Variants in FBXL17 observed in about 807,000 individuals in gnomAD.
FBXL17 encodes the protein F-box/LRR-repeat protein 17.
In FBXL17, 22 loss-of-function variants were observed where a neutral mutation model predicts 66.2. That is an observed-to-expected ratio of 0.33 (90% CI 0.24 to 0.47). The LOEUF (loss-of-function observed/expected upper bound fraction) is 0.47, where lower values mean the gene tolerates loss of function less well. Among genes scored for constraint, FBXL17 ranks in the 20% least tolerant of loss-of-function variants. FBXL17 has a pLI of 1.00. For missense variants in FBXL17, 878 were observed against 948.2 expected (o/e 0.93, Z 0.97); for synonymous variants, 474 against 400.5 (o/e 1.18, Z -2.19).
intron 6 of FBXL17, among the ~76,000 whole-genome samples, chr5:108,098,527 C>T (rs1205855505): frequency 2.0e-5 from 3 of 151,896 alleles, no homozygotes; most frequent in Non-Finnish European, 1.5e-5. Context: ...GGGTGGATCA[C>T]GAGGTCAGGA....
At chr5:108,366,979 C>T (rs1347470752) in intron 2 of FBXL17, among the ~76,000 whole-genome samples, 2 of 151,962 alleles carry the variant, frequency 1.3e-5, no homozygotes, top group East Asian at 1.9e-4. Context: ...AATGGCATAA[C>T]GTGTAGCTTG....
intron 6 of FBXL17, among the ~76,000 whole-genome samples, chr5:108,022,735 A>G (rs1410866082): frequency 6.6e-6 from 1 of 152,156 alleles, no homozygotes; most frequent in African/African-American, 2.4e-5. Context: ...CTATAAGCAC[A>G]TATGAACATT....
intron 6 of FBXL17, among the ~76,000 whole-genome samples, chr5:108,033,723 C>CA (rs1746730223): frequency 1.3e-5 from 2 of 152,064 alleles, no homozygotes; most frequent in African/African-American, 4.8e-5. Flanking sequence ...ATATTCCTAC[C>CA]AACACACAGA....
At chr5:108,231,225 A>G (rs1755326077) in intron 4 of FBXL17, among the ~76,000 whole-genome samples, 1 of 152,144 alleles carries the variant, frequency 6.6e-6, no homozygotes, top group Admixed American at 6.5e-5. Context: ...TCAAGTTTTA[A>G]TAAGTTTATA....
intron 3 of FBXL17, among the ~76,000 whole-genome samples, chr5:108,359,575 T>C (rs1748212100): frequency 6.6e-6 from 1 of 152,208 alleles, no homozygotes; most frequent in Non-Finnish European, 1.5e-5. Context: ...AAGACTCTGT[T>C]ATTTAATTTC....
At chr5:108,205,747 A>G (rs956393312) in intron 5 of FBXL17, among the ~76,000 whole-genome samples, 4 of 151,984 alleles carry the variant, frequency 2.6e-5, no homozygotes, top group Non-Finnish European at 5.9e-5. Context: ...TGTTTTTTAG[A>G]CAGAGTCTCG....
At chr5:107,990,539 T>A (rs1753199850) in intron 7 of FBXL17, among the ~76,000 whole-genome samples, 1 of 152,182 alleles carries the variant, frequency 6.6e-6, no homozygotes, top group Non-Finnish European at 1.5e-5. Context: ...ATCTATACCT[T>A]AGTTTTCTTA....
intron 6 of FBXL17, among the ~76,000 whole-genome samples, chr5:108,021,412 G>C (rs1754597269): frequency 6.6e-6 from 1 of 150,484 alleles, no homozygotes; most frequent in Non-Finnish European, 1.5e-5. Context: ...GATGGAATTA[G>C]GTAGCACTGA....
At chr5:108,139,550 C>G (rs935647850) in intron 6 of FBXL17, among the ~76,000 whole-genome samples, 1 of 152,186 alleles carries the variant, frequency 6.6e-6, no homozygotes, top group Non-Finnish European at 1.5e-5. Flanking sequence ...ATTCTACATT[C>G]TGCTCGTCAG....
At chr5:108,053,503 G>GA (rs967813705) in intron 6 of FBXL17, among the ~76,000 whole-genome samples, 24 of 145,808 alleles carry the variant, frequency 1.6e-4, no homozygotes, top group East Asian at 8.0e-4. Flanking sequence ...CTCCATCTCA[G>GA]AAAAAAAAAA....
At chr5:108,277,694 A>T (rs958578980) in intron 4 of FBXL17, among the ~76,000 whole-genome samples, 1 of 152,226 alleles carries the variant, frequency 6.6e-6, no homozygotes, top group African/African-American at 2.4e-5. Flanking sequence ...GGTTTAAGTC[A>T]TTAACTTCCC....
intron 7 of FBXL17, among the ~76,000 whole-genome samples, chr5:108,002,182 A>T (rs1479052770): frequency 1.8e-5 from 2 of 109,492 alleles, no homozygotes; most frequent in African/African-American, 9.0e-5. Context: ...CACCCAGCTA[A>T]TTTTTTTTTT....
At chr5:108,069,019 T>A (rs1748228373) in intron 6 of FBXL17, among the ~76,000 whole-genome samples, 1 of 152,198 alleles carries the variant, frequency 6.6e-6, no homozygotes, top group South Asian at 2.1e-4. Context: ...GATCATAAGA[T>A]AATTCTGTTA....
intron 4 of FBXL17, among the ~76,000 whole-genome samples, chr5:108,342,684 T>A (rs1261332744): frequency 1.3e-5 from 2 of 152,192 alleles, no homozygotes; most frequent in Non-Finnish European, 2.9e-5. Context: ...CCACCTGTTG[T>A]TAACTTCTTT....
At chr5:107,932,345 A>C (rs1158967508) in intron 7 of FBXL17, among the ~76,000 whole-genome samples, 1 of 152,178 alleles carries the variant, frequency 6.6e-6, no homozygotes, top group Non-Finnish European at 1.5e-5. Flanking sequence ...TTAGGAAAAG[A>C]CTACATTTAA....
chr5:108,204,125 G>A (rs1249156410), intron 5 of FBXL17, among the ~76,000 whole-genome samples: 1 of 152,034 alleles, frequency 6.6e-6, no homozygotes, highest in Non-Finnish European at 1.5e-5. Context: ...ATGTTTGTAA[G>A]CTGTTGATAA....
intron 6 of FBXL17, among the ~76,000 whole-genome samples, chr5:108,055,138 T>A (rs185144397): frequency 5.3e-5 from 8 of 151,932 alleles, no homozygotes; most frequent in Non-Finnish European, 1.2e-4. Flanking sequence ...AAATTCAATA[T>A]TGTTCCTCTT....
chr5:107,966,411 C>T (rs1752142054), intron 7 of FBXL17, among the ~76,000 whole-genome samples: 1 of 151,916 alleles, frequency 6.6e-6, no homozygotes. Context: ...CATTTCCTGC[C>T]AGGATGGAAG....
At chr5:108,183,710 C>T (rs866676470) in intron 6 of FBXL17, among the ~76,000 whole-genome samples, 2 of 152,202 alleles carry the variant, frequency 1.3e-5, no homozygotes, top group South Asian at 2.1e-4. Flanking sequence ...TTTTATCCCT[C>T]GCCCCCTCCG....
Sources: allele counts gnomAD v4.1 joint callset (sites outside exome capture counted in the v4.1 genomes callset), GRCh38; gene constraint gnomAD v4.1.1; transcripts MANE v1.5; gene names NCBI Gene and HGNC (gene_info 2026-07-23, HGNC 2026-07-21).